SETD5: variants seen among roughly 807,000 people sequenced by gnomAD.
The protein encoded by SETD5 is SET domain containing 5.
Under a neutral mutation model 153.3 loss-of-function variants are expected in SETD5, and 44 were observed. That is an observed-to-expected ratio of 0.29 (90% CI 0.23 to 0.37). SETD5 has a LOEUF of 0.37. SETD5 is among the 10% of genes least tolerant of loss of function. The pLI, the probability that SETD5 is intolerant of heterozygous loss-of-function variation, is 1.00. For missense variants in SETD5, 1,544 were observed against 1,768.0 expected, an observed-to-expected ratio of 0.87 and a Z score of 2.27; for synonymous variants, 716 against 645.2, an observed-to-expected ratio of 1.11 and a Z score of -1.66.
chr3:9,424,387 A>G (rs1334986733), intron 1 of SETD5, 80 bp from the exon 2 acceptor site: 1 of 152,208 alleles, frequency 6.6e-6, no homozygotes, highest in Non-Finnish European at 1.5e-5. Context: ...ACAGAAACAT[A>G]ATATAGCTGT....
intron 15 of SETD5, 138 bp from the exon 16 acceptor site, chr3:9,448,250 C>A: frequency 7.5e-7 from 1 of 1,342,180 alleles, no homozygotes; most frequent in Non-Finnish European, 1.0e-6. Context: ...GGAAGATATC[C>A]TTGTGTTCTA....
intron 18 of SETD5, among the ~76,000 whole-genome samples, chr3:9,470,243 T>C (rs2045146172): frequency 6.6e-6 from 1 of 152,204 alleles, no homozygotes; most frequent in Non-Finnish European, 1.5e-5. Flanking sequence ...CCAGAAAGAC[T>C]TGAAAGCAAT....
chr3:9,416,554 A>G (rs944267669), intron 1 of SETD5, among the ~76,000 whole-genome samples: 1 of 152,186 alleles, frequency 6.6e-6, no homozygotes, highest in African/African-American at 2.4e-5. Flanking sequence ...GACTTTTTTT[A>G]ATAACCACAA....
Position 9,476,052 on chromosome 3 carries a change from G to GCAAGGGT in SETD5, c.4293_4299dup (p.Gly1434ArgfsTer22). 1 of 1,613,948 alleles carries GCAAGGGT rather than the reference G, an allele frequency of 6.2e-7. No individual in the cohort carries two copies. Among genetic ancestry groups the GCAAGGGT allele is most frequent in the Non-Finnish European group, 8.5e-7 (1 of 1,179,862 alleles). On this transcript the variant is annotated frameshift_variant, in exon 23 of 23. Transcript: ENST00000402198. LOFTEE classifies it high-confidence loss of function. ...TGCACCAGTACCGACTCCAGCCACT[G>GCAAGGGT]CAAGGGTCAGGAGTCAAGACTCAGA...
chr3:9,471,454 T>C (rs1453513639), intron 19 of SETD5, among the ~76,000 whole-genome samples: 3 of 152,064 alleles, frequency 2.0e-5, no homozygotes, highest in Admixed American at 6.5e-5. Context: ...CAACCAACAA[T>C]TGAGGGTGAG....
chr3:9,435,384 T>C (rs867417388), intron 6 of SETD5, among the ~76,000 whole-genome samples: 3 of 152,314 alleles, frequency 2.0e-5, no homozygotes, highest in Middle Eastern at 3.4e-3. Context: ...TTGAGAACAG[T>C]TTAGTCCTGT....
rs755424088 is a variant in SETD5, at chr3:9,434,641, C to A, written c.329+156C>A. 4.8e-6 allele frequency: 7 copies of A among 1,472,626 alleles called. No homozygotes were observed. The highest frequency in any genetic ancestry group is 4.5e-6 in the Non-Finnish European group (5 of 1,112,158). 91.2% of individuals were successfully genotyped at this position (1,472,626 alleles called of 1,614,324 possible). A position where few individuals can be genotyped will look rare whatever the true frequency, so the allele number is the denominator to read the frequency against. On this transcript the variant is annotated intron_variant, in intron 5 of 22. Coordinates refer to ENST00000402198, the MANE Select transcript of SETD5 (RefSeq NM_001080517.3). The surrounding 1 kb of genome is among the most constrained non-coding windows in gnomAD (Gnocchi z 5.6). ...AATTCTCTGCACTAGGTGAGAATTGCTGACAACAAGGAATGAGAGATTGAT... is the reference window on the plus strand; with the variant it reads ...AATTCTCTGCACTAGGTGAGAATTGATGACAACAAGGAATGAGAGATTGAT...
chr3:9,455,168 CTTTTTTTTTTTTTTTTT>C (rs903600741), intron 17 of SETD5, among the ~76,000 whole-genome samples: 6 of 99,918 alleles, frequency 6.0e-5, no homozygotes, highest in African/African-American at 2.4e-4. Context: ...TTCTTTTTTT[CTTTTTTTTTTTTTTTTT>C]TTTTTGAAAT....
chr3:9,469,691 G>A (rs781224888), intron 18 of SETD5, among the ~76,000 whole-genome samples: 16 of 152,192 alleles, frequency 1.1e-4, no homozygotes, highest in Non-Finnish European at 1.6e-4. Context: ...TCGGTTAGCT[G>A]TAGTTGACCT....
chr3:9,444,429 G>T (rs2041685006), intron 11 of SETD5, among the ~76,000 whole-genome samples: 1 of 152,146 alleles, frequency 6.6e-6, no homozygotes. Context: ...TGAGGACATG[G>T]TAATCGTGGG....
At chr3:9,412,387 G>GTTTTTTTTTT (rs370566998) in intron 1 of SETD5, among the ~76,000 whole-genome samples, 2 of 89,536 alleles carry the variant, frequency 2.2e-5, no homozygotes, top group African/African-American at 3.9e-5. Flanking sequence ...ACAGTTTTGG[G>GTTTTTTTTTT]TTTTTTTTTT....
chr3:9,444,076 G>C (rs183083171), intron 11 of SETD5, among the ~76,000 whole-genome samples: 1 of 151,992 alleles, frequency 6.6e-6, no homozygotes, highest in African/African-American at 2.4e-5. Flanking sequence ...AAAAGAGAGA[G>C]AATTTAATAT....
rs996870293 is a variant in SETD5, at chr3:9,426,522, G to C, written c.-117+1996G>C. On this transcript the variant is annotated intron_variant, in intron 2 of 22. Coordinates refer to ENST00000402198, the MANE Select transcript of SETD5 (RefSeq NM_001080517.3). ...AGAGATTCTCCTGCCTCAGCCTCCT[G>C]AGTAGCTGGGATTACCAGCGTGTGC... 5.3e-5 allele frequency among the ~76,000 whole-genome samples: 8 copies of C among 151,560 alleles called. No individual in the cohort carries two copies. The South Asian group carries it at 6.3e-4, about 12-fold the overall frequency.
chr3:9,431,506 G>T (rs1189334066), intron 3 of SETD5: 2 of 966,544 alleles, frequency 2.1e-6, no homozygotes, highest in African/African-American at 3.5e-5. Context: ...AGGAAATCTT[G>T]TAGTTACCTG....
At position 9,422,292 on chromosome 3, in the gene SETD5, G is replaced by A. The variant is rs147761958; in HGVS notation, c.-176-2175G>A. 3.2e-3 allele frequency among the ~76,000 whole-genome samples: 484 copies of A among 152,234 alleles called. 1 individual carries two copies. Among genetic ancestry groups the A allele is most frequent in the African/African-American group, 0.011 (453 of 41,550 alleles). On this transcript the variant is annotated intron_variant, in intron 1 of 22. Coordinates refer to ENST00000402198, the MANE Select transcript of SETD5 (RefSeq NM_001080517.3). ...CAGCATACCTTATATGTCAGCCTAA[G>A]CAAGATTAGATTTTCTCTTTTCTCT...
At chr3:9,436,682 A>G (rs1310617012) in intron 7 of SETD5, among the ~76,000 whole-genome samples, 1 of 152,132 alleles carries the variant, frequency 6.6e-6, no homozygotes, top group Non-Finnish European at 1.5e-5. Context: ...GCCTTGAGCT[A>G]CCCCTATTCT....
intron 3 of SETD5, 41 bp from the exon 4 acceptor site, chr3:9,433,804 A>C: frequency 5.1e-6 from 8 of 1,573,798 alleles, no homozygotes; most frequent in South Asian, 1.1e-5. Flanking sequence ...AGGGAAGATT[A>C]GGTGTTATGC....
chr3:9,452,931 C>T (rs986433651), intron 16 of SETD5, among the ~76,000 whole-genome samples: 2 of 152,060 alleles, frequency 1.3e-5, no homozygotes, highest in African/African-American at 4.8e-5. Flanking sequence ...AACTGTATAT[C>T]TTAAGAGAAC....
chr3:9,430,262 G>A, intron 3 of SETD5: 1 of 984,774 alleles, frequency 1.0e-6, no homozygotes, highest in Non-Finnish European at 1.2e-6. Context: ...CCTGTTTACT[G>A]AGTTCCTTAA....
Sources: allele counts gnomAD v4.1 joint callset (sites outside exome capture counted in the v4.1 genomes callset), GRCh38; gene constraint gnomAD v4.1.1; non-coding constraint Gnocchi (gnomAD v3.1); transcripts MANE v1.5; gene names NCBI Gene and HGNC (gene_info 2026-07-23, HGNC 2026-07-21).